Variants in NDRG4 observed in about 807,000 individuals in gnomAD.
The protein encoded by NDRG4 is protein NDRG4.
In NDRG4, 38 loss-of-function variants were observed where a neutral mutation model predicts 55.8. The observed-to-expected ratio is 0.68, with a 90% CI of 0.53 to 0.89. NDRG4 has a LOEUF of 0.89. Ranked by LOEUF, NDRG4 falls within the 40% of genes least tolerant of loss-of-function variation. NDRG4 has a pLI of 0.00. For missense variants in NDRG4, 455 were observed against 468.6 expected (o/e 0.97, Z 0.27); for synonymous variants, 190 against 182.7 (o/e 1.04, Z -0.32).
At position 58,511,096 on chromosome 16, in the gene NDRG4, C is replaced by A; in HGVS notation, c.905-326C>A. 4 of 473,654 alleles carry A rather than the reference C, an allele frequency of 8.4e-6. No homozygotes were observed. The East Asian group carries it at 1.4e-4, about 17-fold the overall frequency. 29.3% of individuals were successfully genotyped at this position (473,654 alleles called of 1,614,324 possible). On this transcript the variant is annotated intron_variant, in intron 14 of 14. Coordinates refer to ENST00000570248, the MANE Select transcript of NDRG4 (RefSeq NM_001242835.2). ...GTCTGAATTGAGGGCAGTATGCGAC[C>A]ACCGCTCCGCGTCCTCCTTTACAGA...
At chr16:58,476,239 A>G (rs991131352) in intron 1 of NDRG4, among the ~76,000 whole-genome samples, 3 of 152,236 alleles carry the variant, frequency 2.0e-5, no homozygotes, top group Admixed American at 6.5e-5. Flanking sequence ...ATTAAGGAAG[A>G]AGGGGAGAAC....
At position 58,492,819 on chromosome 16, in the gene NDRG4, C is replaced by T. The variant is rs552388751; in HGVS notation, c.73-2145C>T. Among the ~76,000 whole-genome samples, 7 of 152,192 alleles carry T rather than the reference C, an allele frequency of 4.6e-5. No homozygotes were observed. In the East Asian group the frequency reaches 9.7e-4, roughly 21 times the overall value. ...CATCTCCCCTTCCTTCTCCTCAGCC[C>T]GCTTGTGCAAGGTCTTTGAGTGAGA... On this transcript the variant is annotated intron_variant, in intron 2 of 15. Transcript: ENST00000258187.
In NDRG4 at chr16:58,507,937, T is replaced by C. The variant is rs767454865; in HGVS notation, c.678-11T>C. On this transcript the variant is annotated splice_polypyrimidine_tract_variant and intron_variant, in intron 9 of 14. Transcript: ENST00000570248. ...ACCCAGCCAGACAGCCCTTTTCCTC[T>C]GTATCTGCAGCTGCCCCGTGATGCT... 2 of 1,610,988 alleles carry C rather than the reference T, an allele frequency of 1.2e-6. No homozygotes were observed.
chr16:58,492,478 A>G (rs902788078), intron 2 of NDRG4, among the ~76,000 whole-genome samples: 1 of 145,138 alleles, frequency 6.9e-6, no homozygotes, highest in Non-Finnish European at 1.5e-5. Flanking sequence ...CCCTGCCATT[A>G]TCTGCTCCAC....
chr16:58,508,530 C>T lies in NDRG4; in HGVS notation c.730-432C>T, dbSNP rs75101041. ...CAGAAGTGCCCAGAGCAGCCCCGTG[C>T]GCCCTGAAAATACCAGGCTTTCCCA... On this transcript the variant is annotated intron_variant, in intron 10 of 14. Coordinates refer to ENST00000570248, the MANE Select transcript of NDRG4 (RefSeq NM_001242835.2). 1.9e-3 allele frequency among the ~76,000 whole-genome samples: 294 copies of T among 152,250 alleles called. No homozygotes were observed. In the East Asian group the frequency reaches 0.025, roughly 13 times the overall value.
chr16:58,471,474 G>A (rs942208933), intron 1 of NDRG4, among the ~76,000 whole-genome samples: 2 of 151,926 alleles, frequency 1.3e-5, no homozygotes, highest in East Asian at 1.9e-4. Context: ...GGGTAGTTGC[G>A]GGATCAGCTG....
At chr16:58,501,679 G>T (rs1366067604) in intron 1 of NDRG4, 1 of 265,150 alleles carries the variant, frequency 3.8e-6, no homozygotes, top group Non-Finnish European at 7.8e-6. Flanking sequence ...CGTAGGACAG[G>T]TAGCCCGGTG....
intron 2 of NDRG4, among the ~76,000 whole-genome samples, chr16:58,491,142 G>T (rs555796215): frequency 6.6e-6 from 1 of 151,786 alleles, no homozygotes; most frequent in South Asian, 2.1e-4. Flanking sequence ...CAGATGTGGT[G>T]GTGAGCTCCT....
chr16:58,509,442 G>T, intron 13 of NDRG4, 90 bp downstream of exon 13: 3 of 1,334,136 alleles, frequency 2.2e-6, no homozygotes, highest in Non-Finnish European at 1.1e-6. Flanking sequence ...GGGCTGGCAC[G>T]TGGTGTCAGG....
intron 8 of NDRG4, chr16:58,507,529 C>G (rs1246056882): frequency 2.0e-6 from 1 of 498,778 alleles, no homozygotes; most frequent in African/African-American, 1.9e-5. Flanking sequence ...GACCCAGGGC[C>G]TGCCATCCCA....
At chr16:58,510,814 T>A in intron 14 of NDRG4, 131 bp downstream of exon 14, 1 of 823,526 alleles carries the variant, frequency 1.2e-6, no homozygotes, top group Non-Finnish European at 2.0e-6. Context: ...CCTGTTCAAC[T>A]CAGAAACCCC....
At chr16:58,475,566 GTAA>G (rs1567570632) in intron 1 of NDRG4, 3 of 454,262 alleles carry the variant, frequency 6.6e-6, no homozygotes, top group Non-Finnish European at 1.3e-5. Context: ...AAAACCCATG[GTAA>G]TAATAAGTAA....
chr16:58,464,793 C>A lies in NDRG4; in HGVS notation c.-24+996C>A. The A allele has an allele frequency of 7.8e-7, 1 of 1,280,946 alleles. No individual in the cohort carries two copies. The highest frequency in any genetic ancestry group is 9.9e-7 in the Non-Finnish European group (1 of 1,014,036). The allele number at this position is 1,280,946 out of a possible 1,614,324, so 79.3% of individuals were successfully genotyped here. On this transcript the variant is annotated intron_variant, in intron 1 of 15. Coordinates refer to the NDRG4 transcript ENST00000258187. The surrounding 1 kb of genome is among the most constrained non-coding windows in gnomAD (Gnocchi z 4.8). The stretch of plus-strand genomic sequence containing the variant: ...CCCTCCAATCAGTGTCGCTTGTCCC[C>A]TAAGAAAGGACCCGTGGGCTTCTGG...
At chr16:58,506,144 G>T in intron 5 of NDRG4, 1 of 642,952 alleles carries the variant, frequency 1.6e-6, no homozygotes, top group Middle Eastern at 2.5e-4. Flanking sequence ...GTGTGTGTGT[G>T]TGTGTGTGTG....
intron 4 of NDRG4, 51 bp from the exon 5 acceptor site, chr16:58,504,538 T>G (rs375691087): frequency 2.2e-5 from 35 of 1,612,826 alleles, no homozygotes; most frequent in Non-Finnish European, 3.0e-5. Flanking sequence ...GGATGACATG[T>G]ATGGGAAATG....
At chr16:58,508,916 T>TGGGGAG (rs2038404497) in intron 10 of NDRG4, 46 bp from the exon 11 acceptor site, 2 of 1,603,260 alleles carry the variant, frequency 1.2e-6, no homozygotes, top group Non-Finnish European at 1.7e-6. Flanking sequence ...GCAATGGGGG[T>TGGGGAG]GGGGAGGGGC....
intron 1 of NDRG4, among the ~76,000 whole-genome samples, chr16:58,467,708 G>A (rs530998541): frequency 5.3e-4 from 81 of 152,256 alleles, no homozygotes; most frequent in African/African-American, 1.4e-3. Flanking sequence ...TCTAATAGCC[G>A]TTCCACACTT....
chr16:58,468,988 G>A (rs967552719), intron 1 of NDRG4, among the ~76,000 whole-genome samples: 1 of 152,202 alleles, frequency 6.6e-6, no homozygotes, highest in African/African-American at 2.4e-5. Context: ...TTTGGGCTCT[G>A]AAATGGTCCC....
At position 58,509,288 on chromosome 16, in the gene NDRG4, C is replaced by A; in HGVS notation, c.814-13C>A. 6.2e-7 allele frequency: 1 copy of A among 1,614,056 alleles called. No individual in the cohort carries two copies. The highest frequency in any genetic ancestry group is 8.5e-7 in the Non-Finnish European group (1 of 1,179,978). On this transcript the variant is annotated splice_polypyrimidine_tract_variant and intron_variant, in intron 12 of 14. Coordinates refer to ENST00000570248, the MANE Select transcript of NDRG4 (RefSeq NM_001242835.2). ...CAGCCAATGAAAGCATGTGCTTGTC[C>A]TGCCCTCCGCAGCCAGGGAAGCTGA...
Sources: gnomAD v4.1 joint callset for allele counts (sites outside exome capture counted in the v4.1 genomes callset) on GRCh38, gnomAD v4.1.1 for gene constraint, Gnocchi (gnomAD v3.1) non-coding constraint, MANE v1.5 for transcripts, NCBI Gene and HGNC (gene_info 2026-07-23, HGNC 2026-07-21) for gene names.